Variants in TTC8 observed in about 807,000 individuals in gnomAD.
TTC8 encodes the protein tetratricopeptide repeat domain 8, also known as tetratricopeptide repeat protein 8.
A neutral mutation model predicts 72.5 loss-of-function variants in TTC8; 47 were observed. The observed-to-expected ratio is 0.65, with a 90% CI of 0.51 to 0.83. TTC8 has a LOEUF of 0.83. TTC8 is among the 40% of genes least tolerant of loss of function. The probability of loss-of-function intolerance (pLI) is 0.00; values close to 1 mark genes in which losing one functional copy is unlikely to be tolerated. For synonymous variants in TTC8, 199 were observed against 221.4 expected (o/e 0.90, Z 0.90); for missense variants, 611 against 623.2 (o/e 0.98, Z 0.21).
intron 2 of TTC8, among the ~76,000 whole-genome samples, chr14:88,835,083 G>A (rs2094744422): frequency 6.6e-6 from 1 of 152,302 alleles, no homozygotes; most frequent in South Asian, 2.1e-4. Flanking sequence ...TCAGTATCTT[G>A]TGCCTAAGTT....
chr14:88,858,816 G>C lies in TTC8; in HGVS notation c.798+1539G>C, dbSNP rs372122061. Among the ~76,000 whole-genome samples, 183 of 130,448 alleles carry C rather than the reference G, an allele frequency of 1.4e-3. 5 individuals are homozygous for C. In the South Asian group the frequency reaches 0.041, roughly 29 times the overall value. The allele number at this position is 130,448 out of a possible 152,430, so 85.6% of individuals were successfully genotyped here. ...TGGATTCTTGCTGTGTTGATAGGCT[G>C]GTCTCAAACTCCTGGCCTCAAGCGA... On this transcript the variant is annotated intron_variant, in intron 9 of 14. Transcript: ENST00000380656.
chr14:88,858,119 G>A (rs1443474265), intron 9 of TTC8, among the ~76,000 whole-genome samples: 1 of 151,970 alleles, frequency 6.6e-6, no homozygotes, highest in Non-Finnish European at 1.5e-5. Flanking sequence ...ACACCACCAT[G>A]CCTAGCTAAT....
intron 13 of TTC8, among the ~76,000 whole-genome samples, chr14:88,873,791 G>T (rs1166220323): frequency 6.6e-6 from 1 of 152,128 alleles, no homozygotes; most frequent in Non-Finnish European, 1.5e-5. Flanking sequence ...GCCATCAAGG[G>T]CAAATATTAT....
At chr14:88,830,272 G>A (rs2094719847) in intron 1 of TTC8, among the ~76,000 whole-genome samples, 1 of 152,180 alleles carries the variant, frequency 6.6e-6, no homozygotes, top group Non-Finnish European at 1.5e-5. Context: ...GAAGCAAACA[G>A]ATGTGACTTG....
At position 88,877,406 on chromosome 14, in the gene TTC8, T is replaced by C. The variant is rs2094961758; in HGVS notation, c.1544T>C (p.Leu515Pro). The C allele has an allele frequency of 1.2e-6, 2 of 1,611,892 alleles. No individual in the cohort carries two copies. Among genetic ancestry groups the C allele is most frequent in the African/African-American group, 1.3e-5 (1 of 74,888 alleles). The part of the protein sequence containing the change: ...IKQLRQHFAM[L>P] ...CAATTAAGGCAGCATTTTGCTATGCTCTGATTGTTCCTTAGACCACATATG... is the reference window on the plus strand; with the variant it reads ...CAATTAAGGCAGCATTTTGCTATGCCCTGATTGTTCCTTAGACCACATATG... Residue 515 changes from leucine (L) to proline (P), a missense_variant, in exon 15 of 15, where the codon CTC (leucine) becomes CCC (proline). Transcript: ENST00000380656.
chr14:88,837,073 G>GAATA (rs776182612), intron 2 of TTC8: 1 of 260,720 alleles, frequency 3.8e-6, no homozygotes, highest in South Asian at 3.3e-5. Context: ...AAAAGTAAAT[G>GAATA]AATAAATAAA....
intron 2 of TTC8, among the ~76,000 whole-genome samples, chr14:88,838,840 G>A (rs1299367057): frequency 6.6e-6 from 1 of 152,086 alleles, no homozygotes; most frequent in African/African-American, 2.4e-5. Context: ...TTCGTTATTG[G>A]AATCGGATAA....
rs2094778322 is a variant in TTC8 at position 88,841,039 on chromosome 14, C to T, written c.332C>T (p.Pro111Leu). Residue 111 changes from proline (P) to leucine (L), a missense_variant and splice_region_variant, in exon 5 of 15, where the codon CCA (proline) becomes CTA (leucine). Transcript: ENST00000380656. ...ATAACAATTTATAATCTTCACAGGC[C>T]AATCACACAAGCTGGAAGACCCATT... is the stretch of plus-strand genomic sequence containing the variant. Reference protein sequence around the residue: ...QTGGPSQAVRPITQAGRPITG... With the variant: ...QTGGPSQAVRLITQAGRPITG... The T allele has an allele frequency of 6.2e-7, 1 of 1,614,014 alleles. No individual in the cohort carries two copies. Among genetic ancestry groups the T allele is most frequent in the Non-Finnish European group, 8.5e-7 (1 of 1,179,984 alleles).
At chr14:88,878,917 A>G (rs553619815), downstream of TTC8, 61 of 152,284 alleles carry the variant, frequency 4.0e-4, no homozygotes, top group African/African-American at 1.4e-3. Flanking sequence ...TTATTGAACT[A>G]GTAGTAAGTG....
chr14:88,828,238 T>C (rs1719337306), intron 1 of TTC8, among the ~76,000 whole-genome samples: 1 of 152,244 alleles, frequency 6.6e-6, no homozygotes, highest in African/African-American at 2.4e-5. Context: ...GGAGAGTGTT[T>C]CTAATAGTAA....
At chr14:88,868,242 T>C (rs2094919544) in intron 10 of TTC8, among the ~76,000 whole-genome samples, 1 of 152,346 alleles carries the variant, frequency 6.6e-6, no homozygotes, top group East Asian at 1.9e-4. Context: ...ATAAAAATGT[T>C]ATGTATGTGA....
chr14:88,834,090 G>T, intron 2 of TTC8: 2 of 291,748 alleles, frequency 6.9e-6, no homozygotes, highest in South Asian at 7.3e-5. Context: ...GTGATGGATG[G>T]GATGGCATGT....
intron 13 of TTC8, 74 bp downstream of exon 13, chr14:88,872,526 CA>C: frequency 1.9e-6 from 3 of 1,594,588 alleles, no homozygotes; most frequent in Non-Finnish European, 1.7e-6. Context: ...GGTAGCATTA[CA>C]GCGTATGTTA....
chr14:88,844,158 C>T (rs918300098), intron 7 of TTC8, among the ~76,000 whole-genome samples: 1 of 152,084 alleles, frequency 6.6e-6, no homozygotes, highest in African/African-American at 2.4e-5. Context: ...TGTTGTTGAT[C>T]TGTTTATTTC....
At chr14:88,869,677 C>G (rs1425348294) in intron 10 of TTC8, among the ~76,000 whole-genome samples, 1 of 152,072 alleles carries the variant, frequency 6.6e-6, no homozygotes, top group Non-Finnish European at 1.5e-5. Context: ...CCAGAGTGAG[C>G]TTCCCCCAGA....
chr14:88,872,088 C>T (rs1379582738), intron 12 of TTC8, among the ~76,000 whole-genome samples: 2 of 152,144 alleles, frequency 1.3e-5, no homozygotes, highest in Admixed American at 6.6e-5. Context: ...AAGAAATTTT[C>T]AGGAATTATC....
Position 88,871,838 on chromosome 14 carries a change from GC to G in TTC8, c.1224+118del. Reference sequence around the variant, plus strand: ...AGGCTGAAGCAGGAGGATTGCTTGAGCCCAGGAGTTTGAGACCACCCTGGGC... The same window carrying G: ...AGGCTGAAGCAGGAGGATTGCTTGAGCCAGGAGTTTGAGACCACCCTGGGC... On this transcript the variant is annotated intron_variant, in intron 12 of 14. Transcript: ENST00000380656. The surrounding 1 kb of genome is among the most constrained non-coding windows in gnomAD (Gnocchi z 4.1). 2 of 1,265,576 alleles carry G rather than the reference GC, an allele frequency of 1.6e-6. No individual in the cohort carries two copies. Among genetic ancestry groups the G allele is most frequent in the Non-Finnish European group, 1.1e-6 (1 of 878,070 alleles). 78.4% of individuals were successfully genotyped at this position (1,265,576 alleles called of 1,614,324 possible).
chr14:88,848,300 G>A (rs1263076609), intron 7 of TTC8, among the ~76,000 whole-genome samples: 1 of 151,890 alleles, frequency 6.6e-6, no homozygotes, highest in Non-Finnish European at 1.5e-5. Flanking sequence ...TTTGGACTTT[G>A]AGTTTTATAT....
chr14:88,849,655 G>GT (rs2094824601), intron 7 of TTC8, among the ~76,000 whole-genome samples: 2 of 152,170 alleles, frequency 1.3e-5, no homozygotes, highest in Non-Finnish European at 2.9e-5. Context: ...GGGGTGGGCA[G>GT]TATCAACGAA....
Sources: allele counts gnomAD v4.1 joint callset (sites outside exome capture counted in the v4.1 genomes callset), GRCh38; gene constraint gnomAD v4.1.1; non-coding constraint Gnocchi (gnomAD v3.1); transcripts MANE v1.5; gene names NCBI Gene and HGNC (gene_info 2026-07-23, HGNC 2026-07-21).